The following PARVA variants were observed in gnomAD, a reference collection of about 807,000 sequenced individuals.
PARVA encodes alpha-parvin.
Under a neutral mutation model 52.6 loss-of-function variants are expected in PARVA, and 25 were observed. The ratio of observed to expected loss-of-function variants is 0.48; its 90% CI spans 0.35 to 0.66. PARVA has a LOEUF of 0.66. Among genes scored for constraint, PARVA ranks in the 30% least tolerant of loss-of-function variants. PARVA has a pLI of 0.01. For missense variants in PARVA, 373 were observed against 450.9 expected (o/e 0.83, Z 1.56); for synonymous variants, 185 against 179.1 (o/e 1.03, Z -0.26).
intron 1 of PARVA, among the ~76,000 whole-genome samples, chr11:12,406,655 G>A (rs1416330931): frequency 1.8e-5 from 2 of 110,124 alleles, no homozygotes; most frequent in African/African-American, 7.2e-5. Context: ...TATTTAGGTT[G>A]TATCTGTTTT....
chr11:12,503,790 T>TC (rs1326469422), intron 5 of PARVA, among the ~76,000 whole-genome samples: 1 of 152,114 alleles, frequency 6.6e-6, no homozygotes, highest in Non-Finnish European at 1.5e-5. Flanking sequence ...ACCACAGGTG[T>TC]CCCCTGACCC....
chr11:12,475,086 G>T lies in PARVA; in HGVS notation c.297+1103G>T, dbSNP rs538856118. Among the ~76,000 whole-genome samples, 3 of 152,282 alleles carry T rather than the reference G, an allele frequency of 2.0e-5. No individual in the cohort carries two copies. In the East Asian group the frequency reaches 5.8e-4, roughly 29 times the overall value. ...GGTTGCAGTCGACTCCTAAGAGGTGGTGTTTAGACTCCTTGCTCTAGCTGC... is the reference window on the plus strand; with the variant it reads ...GGTTGCAGTCGACTCCTAAGAGGTGTTGTTTAGACTCCTTGCTCTAGCTGC... On this transcript the variant is annotated intron_variant, in intron 3 of 12. Coordinates refer to ENST00000334956, the MANE Select transcript of PARVA (RefSeq NM_018222.5).
chr11:12,416,707 A>G (rs915039907), intron 1 of PARVA, among the ~76,000 whole-genome samples: 3 of 151,002 alleles, frequency 2.0e-5, no homozygotes, highest in Non-Finnish European at 4.4e-5. Flanking sequence ...AAAGAAAGGG[A>G]GAGGAGGAGA....
intron 1 of PARVA, among the ~76,000 whole-genome samples, chr11:12,434,851 C>T (rs185118222): frequency 6.6e-6 from 1 of 152,248 alleles, no homozygotes; most frequent in East Asian, 1.9e-4. Context: ...GCATTTTTAC[C>T]GAGCCTGCTC....
chr11:12,435,027 A>G (rs1010234222), intron 1 of PARVA, among the ~76,000 whole-genome samples: 2 of 152,190 alleles, frequency 1.3e-5, no homozygotes, highest in Non-Finnish European at 2.9e-5. Flanking sequence ...ACGTATAGAT[A>G]AGGTGCTGCT....
At chr11:12,379,198 C>T (rs1186280380) in intron 1 of PARVA, among the ~76,000 whole-genome samples, 1 of 151,738 alleles carries the variant, frequency 6.6e-6, no homozygotes, top group African/African-American at 2.4e-5. Context: ...TTTTAGCCGA[C>T]TTCTTTACTG....
intron 1 of PARVA, among the ~76,000 whole-genome samples, chr11:12,470,562 G>C (rs185280715): frequency 6.6e-6 from 1 of 152,276 alleles, no homozygotes. Flanking sequence ...TGGCCTCATG[G>C]GGGATCTAAT....
chr11:12,457,303 GAAA>G (rs1017350362), intron 1 of PARVA, among the ~76,000 whole-genome samples: 1 of 151,478 alleles, frequency 6.6e-6, no homozygotes, highest in African/African-American at 2.4e-5. Flanking sequence ...GTTGGTTTAG[GAAA>G]AAAAAATCAG....
intron 1 of PARVA, among the ~76,000 whole-genome samples, chr11:12,423,524 T>A (rs185784370): frequency 6.6e-6 from 1 of 152,224 alleles, no homozygotes; most frequent in East Asian, 1.9e-4. Context: ...TACTATTTAG[T>A]TTTTTAATCA....
intron 12 of PARVA, among the ~76,000 whole-genome samples, chr11:12,522,425 T>A (rs1289991049): frequency 1.2e-5 from 1 of 81,716 alleles, no homozygotes; most frequent in Non-Finnish European, 3.2e-5. Flanking sequence ...TTTATTCTTT[T>A]TTTTTTTTTT....
intron 1 of PARVA, among the ~76,000 whole-genome samples, chr11:12,378,378 GTGTT>G (rs939216635): frequency 6.6e-6 from 1 of 152,168 alleles, no homozygotes; most frequent in African/African-American, 2.4e-5. Context: ...TGGACATCGA[GTGTT>G]TGTTGAATGA....
intron 1 of PARVA, among the ~76,000 whole-genome samples, chr11:12,443,987 G>A (rs1001062868): frequency 1.3e-5 from 2 of 152,146 alleles, no homozygotes; most frequent in African/African-American, 4.8e-5. Flanking sequence ...TGCCTTTGTA[G>A]TACTGAACCT....
At chr11:12,525,330 T>C (rs954110288) in intron 12 of PARVA, among the ~76,000 whole-genome samples, 1 of 151,932 alleles carries the variant, frequency 6.6e-6, no homozygotes, top group Non-Finnish European at 1.5e-5. Context: ...TGCCTTGGAG[T>C]TGTGCAGTGT....
rs1342728114 is a variant in PARVA at position 12,473,895 on chromosome 11, T to C, written c.227-18T>C. 11 of 1,567,724 alleles carry C rather than the reference T, an allele frequency of 7.0e-6. No individual in the cohort carries two copies. Among genetic ancestry groups the C allele is most frequent in the East Asian group, 4.7e-5 (2 of 42,210 alleles). ...TTCCCATGCCAGCACCCCCACTGAA[T>C]TCCTTTTCTTTTTAAAGAGGAGAAT... On this transcript the variant is annotated intron_variant, in intron 2 of 12. Transcript: ENST00000334956.
In PARVA at chr11:12,492,877, A is replaced by G. The variant is rs1395876917; in HGVS notation, c.401-3581A>G. ...AGATGTTTATTGCAACTTTATTACA[A>G]ATACAGAAAATGTGGGTTATAACCT... On this transcript the variant is annotated intron_variant, in intron 4 of 12. Coordinates refer to ENST00000334956, the MANE Select transcript of PARVA (RefSeq NM_018222.5). Among the ~76,000 whole-genome samples, 3 of 152,188 alleles carry G rather than the reference A, an allele frequency of 2.0e-5. No individual in the cohort carries two copies. The East Asian group carries it at 5.8e-4, about 29-fold the overall frequency.
rs371595078 is a variant in PARVA, at chr11:12,479,746, C to T, written c.400+1797C>T. The stretch of plus-strand genomic sequence containing the variant: ...AGGTGTGTAGATATAAACGTGTACA[C>T]ACATATCTGTATACATACATGTAAG... On this transcript the variant is annotated intron_variant, in intron 4 of 12. Coordinates refer to ENST00000334956, the MANE Select transcript of PARVA (RefSeq NM_018222.5). 9 of 152,124 alleles carry T rather than the reference C, an allele frequency of 5.9e-5. No individual in the cohort carries two copies. In the South Asian group the frequency reaches 1.9e-3, roughly 32 times the overall value. The allele number at this position is 152,124 out of a possible 1,614,324, so 9.4% of individuals were successfully genotyped here.
At chr11:12,463,603 G>C (rs1940813053) in intron 1 of PARVA, among the ~76,000 whole-genome samples, 1 of 152,142 alleles carries the variant, frequency 6.6e-6, no homozygotes, top group African/African-American at 2.4e-5. Context: ...GGTGGTGTTT[G>C]TCACATTTCT....
intron 4 of PARVA, among the ~76,000 whole-genome samples, chr11:12,489,822 G>T (rs944949799): frequency 1.3e-5 from 2 of 152,186 alleles, no homozygotes; most frequent in African/African-American, 2.4e-5. Flanking sequence ...TAATACTGAA[G>T]ATATCAAAAT....
At chr11:12,426,315 C>G (rs1215993639) in intron 1 of PARVA, among the ~76,000 whole-genome samples, 1 of 152,100 alleles carries the variant, frequency 6.6e-6, no homozygotes, top group Non-Finnish European at 1.5e-5. Context: ...ACAGCATATG[C>G]AAAGGCACTG....
Sources: allele counts gnomAD v4.1 joint callset (sites outside exome capture counted in the v4.1 genomes callset), GRCh38; gene constraint gnomAD v4.1.1; transcripts MANE v1.5; gene names NCBI Gene and HGNC (gene_info 2026-07-23, HGNC 2026-07-21).